SS18L1: variants seen among roughly 807,000 people sequenced by gnomAD.
SS18L1 encodes the protein SS18L1 subunit of BAF chromatin remodeling complex.
A neutral mutation model predicts 70.3 loss-of-function variants in SS18L1; 32 were observed. That is an observed-to-expected ratio of 0.46 (90% CI 0.34 to 0.61). The LOEUF (loss-of-function observed/expected upper bound fraction) is 0.61. SS18L1 is among the 20% of genes least tolerant of loss of function. SS18L1 has a pLI of 0.01. For synonymous variants in SS18L1, 237 were observed against 229.7 expected, an observed-to-expected ratio of 1.03 and a Z score of -0.29; for missense variants, 430 against 542.1, an observed-to-expected ratio of 0.79 and a Z score of 2.05.
At chr20:62,147,276 T>C (rs2427247) in intron 1 of SS18L1, among the ~76,000 whole-genome samples, 132,326 of 152,098 alleles carry the variant, frequency 0.87, 57,590 homozygotes, top group African/African-American at 0.91. Flanking sequence ...CAGTCAGAAC[T>C]GCTCTGTGGC....
chr20:62,174,846 T>A lies in SS18L1; in HGVS notation c.1164+202T>A. 6.9e-7 allele frequency: 1 copy of A among 1,457,022 alleles called. No individual in the cohort carries two copies. The highest frequency in any genetic ancestry group is 1.4e-5 in the South Asian group (1 of 73,658). 90.3% of individuals were successfully genotyped at this position (1,457,022 alleles called of 1,614,324 possible). ...GCTCACCTCAGTCATCCAGCTGGCTTTTCATACCCTAAGCTCACCGTTAGA... is the reference window on the plus strand; with the variant it reads ...GCTCACCTCAGTCATCCAGCTGGCTATTCATACCCTAAGCTCACCGTTAGA... On this transcript the variant is annotated intron_variant, in intron 10 of 10. Transcript: ENST00000331758. The surrounding 1 kb of genome is among the most constrained non-coding windows in gnomAD (Gnocchi z 4.1).
chr20:62,165,309 C>T, intron 7 of SS18L1, 113 bp from the exon 8 acceptor site: 5 of 1,047,942 alleles, frequency 4.8e-6, no homozygotes, highest in Non-Finnish European at 5.5e-6. Context: ...CCTGCCGGCT[C>T]TTGTTGCCTC....
In SS18L1 at chr20:62,182,025, T is replaced by G; in HGVS notation, c.*2817T>G. ...GCAAAAGCTCATCACCCATTAAGGT[T>G]TGTTGTTGAATCAACAGTACTCAGC... On this transcript the variant is annotated 3_prime_UTR_variant, in exon 11 of 11. Transcript: ENST00000331758. 4.4e-6 allele frequency: 1 copy of G among 229,450 alleles called. No homozygotes were observed. The highest frequency in any genetic ancestry group is 8.6e-6 in the Non-Finnish European group (1 of 115,728). The allele number at this position is 229,450 out of a possible 1,614,324, so 14.2% of individuals were successfully genotyped here.
intron 1 of SS18L1, among the ~76,000 whole-genome samples, chr20:62,152,152 A>G (rs1440022579): frequency 6.6e-6 from 1 of 151,994 alleles, no homozygotes; most frequent in Non-Finnish European, 1.5e-5. Flanking sequence ...CGTCAACCCC[A>G]GGAGTCTCCT....
chr20:62,156,549 C>A (rs1285074527), intron 1 of SS18L1, among the ~76,000 whole-genome samples: 2 of 152,234 alleles, frequency 1.3e-5, no homozygotes, highest in Non-Finnish European at 2.9e-5. Context: ...CAGGAGAAAC[C>A]AACCCTGAAG....
chr20:62,163,047 G>A (rs2057360334), intron 5 of SS18L1, 116 bp downstream of exon 5: 2 of 1,378,618 alleles, frequency 1.5e-6, no homozygotes, highest in African/African-American at 1.5e-5. Context: ...GTGCTGGAGG[G>A]GAGGGGCCCG....
intron 10 of SS18L1, chr20:62,175,271 G>A (rs1361645634): frequency 1.0e-5 from 10 of 985,442 alleles, no homozygotes; most frequent in African/African-American, 5.2e-5. Context: ...GGGAGCTCTC[G>A]GGACAGTGAG....
chr20:62,175,184 G>T, intron 10 of SS18L1: 1 of 955,858 alleles, frequency 1.0e-6, no homozygotes, highest in Non-Finnish European at 1.2e-6. Context: ...TAGGGAGGGG[G>T]AAGCCCTTTC....
rs1339898731 is a variant in SS18L1, at chr20:62,146,604, C to CTTTTTTT, written c.69+2715_69+2716insTTTTTTT. On this transcript the variant is annotated intron_variant, in intron 1 of 10. Coordinates refer to ENST00000331758, the MANE Select transcript of SS18L1 (RefSeq NM_198935.3). The stretch of plus-strand genomic sequence containing the variant: ...GCATCCAGCGTGTCTCTGCTTTGAT[C>CTTTTTTT]ATTTTTTTTTTTTTTTTTTTTTGAG... Among the ~76,000 whole-genome samples the CTTTTTTT allele has an allele frequency of 2.3e-4, 8 of 34,138 alleles. No individual in the cohort carries two copies. In the South Asian group the frequency reaches 2.6e-3, roughly 11 times the overall value. 22.4% of individuals were successfully genotyped at this position (34,138 alleles called of 152,430 possible).
In SS18L1 at chr20:62,159,733, A is replaced by T; in HGVS notation, c.147-144A>T. 1 of 741,306 alleles carries T rather than the reference A, an allele frequency of 1.3e-6. No homozygotes were observed. The highest frequency in any genetic ancestry group is 2.2e-6 in the Non-Finnish European group (1 of 463,478). 45.9% of individuals were successfully genotyped at this position (741,306 alleles called of 1,614,324 possible). On this transcript the variant is annotated intron_variant, in intron 2 of 10. Coordinates refer to ENST00000331758, the MANE Select transcript of SS18L1 (RefSeq NM_198935.3). The surrounding 1 kb of genome is among the most constrained non-coding windows in gnomAD (Gnocchi z 4.4). ...AGCACCCTGCCACCTGCCTGTGTCC[A>T]GCTGGGTGTCATCTGGGGTCCATGT...
chr20:62,166,906 CAA>C (rs2057442089), intron 8 of SS18L1, among the ~76,000 whole-genome samples: 1 of 149,400 alleles, frequency 6.7e-6, no homozygotes, highest in Non-Finnish European at 1.5e-5. Flanking sequence ...GCCTGGGCAA[CAA>C]GAGTGAAACT....
chr20:62,154,509 C>T (rs550582216), intron 1 of SS18L1: 4 of 1,018,338 alleles, frequency 3.9e-6, no homozygotes, highest in Non-Finnish European at 4.7e-6. Context: ...GCCAGGCCAT[C>T]GGCCCCCCAG....
chr20:62,180,281 A>C lies in SS18L1; in HGVS notation c.*1073A>C, dbSNP rs1178822550. On this transcript the variant is annotated 3_prime_UTR_variant, in exon 11 of 11. Coordinates refer to ENST00000331758, the MANE Select transcript of SS18L1 (RefSeq NM_198935.3). ...CTAATGAAAAGTAAAGGTTTTATAT[A>C]GAGAAACTTGAGTAATTTTTACATT... 2 of 193,156 alleles carry C rather than the reference A, an allele frequency of 1.0e-5. No individual in the cohort carries two copies. Among genetic ancestry groups the C allele is most frequent in the African/African-American group, 4.6e-5 (2 of 43,074 alleles). The allele number at this position is 193,156 out of a possible 1,614,324, so 12.0% of individuals were successfully genotyped here.
intron 9 of SS18L1, among the ~76,000 whole-genome samples, chr20:62,173,970 C>T (rs563142219): frequency 2.0e-5 from 3 of 151,592 alleles, no homozygotes; most frequent in Non-Finnish European, 2.9e-5. Context: ...GCCAAGATCA[C>T]GCCACTGCAC....
intron 9 of SS18L1, among the ~76,000 whole-genome samples, chr20:62,173,363 G>A (rs1448558065): frequency 2.0e-5 from 3 of 152,232 alleles, no homozygotes; most frequent in African/African-American, 7.2e-5. Flanking sequence ...GCACGTGCCT[G>A]ATTCTGCTGT....
At position 62,154,416 on chromosome 20, in the gene SS18L1, G is replaced by A. The variant is rs546190791; in HGVS notation, c.70-4256G>A. ...GGTTTCGGCGGACTAGAATTTCTAC[G>A]CAGAAGTCTCCCTCAGGATCAGACC... On this transcript the variant is annotated intron_variant, in intron 1 of 10. Transcript: ENST00000331758. The A allele has an allele frequency of 2.0e-5, 21 of 1,043,696 alleles. No homozygotes were observed. The African/African-American group carries it at 2.3e-4, about 12-fold the overall frequency. The allele number at this position is 1,043,696 out of a possible 1,614,324, so 64.7% of individuals were successfully genotyped here.
Position 62,174,425 on chromosome 20 carries a change from A to C in SS18L1, c.1037-92A>C. 7 of 1,517,478 alleles carry C rather than the reference A, an allele frequency of 4.6e-6. No homozygotes were observed. The highest frequency in any genetic ancestry group is 6.2e-6 in the Non-Finnish European group (7 of 1,136,706). The allele number at this position is 1,517,478 out of a possible 1,614,324, so 94.0% of individuals were successfully genotyped here. On this transcript the variant is annotated intron_variant, in intron 9 of 10. Coordinates refer to ENST00000331758, the MANE Select transcript of SS18L1 (RefSeq NM_198935.3). The surrounding 1 kb of genome is among the most constrained non-coding windows in gnomAD (Gnocchi z 4.1). Reference sequence around the variant, plus strand: ...TTGAGACGGGAATTTTTCAAGGAGAAGAGGAAGTTTTAAAAAAAATTTTTA... The same window carrying C: ...TTGAGACGGGAATTTTTCAAGGAGACGAGGAAGTTTTAAAAAAAATTTTTA...
intron 1 of SS18L1, chr20:62,154,391 G>C: frequency 1.5e-5 from 16 of 1,048,578 alleles, no homozygotes; most frequent in Non-Finnish European, 1.8e-5. Context: ...GCCTGGTTGC[G>C]GTTTCGGCGG....
intron 1 of SS18L1, among the ~76,000 whole-genome samples, chr20:62,151,900 A>C (rs112261041): frequency 0.15 from 5,629 of 38,810 alleles, 140 homozygotes; most frequent in Middle Eastern, 0.19. Context: ...TCTTTTCCCG[A>C]TCCCCAGAGC....
Sources: allele counts gnomAD v4.1 joint callset (sites outside exome capture counted in the v4.1 genomes callset), GRCh38; gene constraint gnomAD v4.1.1; non-coding constraint Gnocchi (gnomAD v3.1); transcripts MANE v1.5; gene names NCBI Gene and HGNC (gene_info 2026-07-23, HGNC 2026-07-21).